The following SPEN variants were observed in gnomAD, a reference collection of about 807,000 sequenced individuals.
SPEN encodes spen family transcriptional repressor, also known as msx2-interacting protein.
SPEN carries 18 observed loss-of-function variants against 269.9 expected under a neutral mutation model. The observed-to-expected ratio is 0.07, with a 90% CI of 0.05 to 0.10. SPEN has a LOEUF of 0.10. SPEN is among the 10% of genes least tolerant of loss of function. The probability of loss-of-function intolerance (pLI) is 1.00; values close to 1 mark genes in which losing one functional copy is unlikely to be tolerated. For synonymous variants in SPEN, 1,726 were observed against 1,765.7 expected (o/e 0.98, Z 0.56); for missense variants, 3,822 against 4,631.2 (o/e 0.83, Z 5.07).
intron 3 of SPEN, among the ~76,000 whole-genome samples, chr1:15,883,628 C>T (rs973667146): frequency 1.3e-5 from 2 of 151,652 alleles, no homozygotes; most frequent in Non-Finnish European, 1.5e-5. Flanking sequence ...CCACTGTGCC[C>T]GGCCTAAAAC....
At position 15,908,170 on chromosome 1, in the gene SPEN, G is replaced by GCTACTA. The variant is rs112407466; in HGVS notation, c.882-1138_882-1133dup. ...TAAAAATTACCCATGAGGTAGTAGT[G>GCTACTA]CTACTACTACTACTACTAACAGTAA... On this transcript the variant is annotated intron_variant, in intron 3 of 14. Transcript: ENST00000375759. 4.0e-5 allele frequency among the ~76,000 whole-genome samples: 6 copies of GCTACTA among 151,864 alleles called. No homozygotes were observed. The South Asian group carries it at 8.3e-4, about 21-fold the overall frequency.
In SPEN at chr1:15,916,125, C is replaced by A. The variant is rs12063905; in HGVS notation, c.1244-3C>A. The A allele has an allele frequency of 0.11, 178,903 of 1,608,826 alleles. 12,238 individuals are homozygous for A. Among genetic ancestry groups the A allele is most frequent in the Admixed American group, 0.29 (17,016 of 58,806 alleles). On this transcript the variant is annotated splice_region_variant and splice_polypyrimidine_tract_variant and intron_variant, in intron 5 of 14. Coordinates refer to ENST00000375759, the MANE Select transcript of SPEN (RefSeq NM_015001.3). The stretch of plus-strand genomic sequence containing the variant: ...TTTTACTCGGCCCCCATTCCACTTA[C>A]AGAAACAGAAAGTGAAAATGAATTT...
chr1:15,911,042 C>A, intron 4 of SPEN, 59 bp from the exon 5 acceptor site: 1 of 1,386,314 alleles, frequency 7.2e-7, no homozygotes, highest in South Asian at 1.3e-5. Context: ...TAGTAGGTTG[C>A]TTATTTAGTT....
At chr1:15,907,830 C>T (rs1398462258) in intron 3 of SPEN, among the ~76,000 whole-genome samples, 2 of 152,116 alleles carry the variant, frequency 1.3e-5, no homozygotes, top group Admixed American at 6.5e-5. Context: ...TCACATAGTT[C>T]TTAGGCATAA....
chr1:15,869,620 C>T (rs908935449), intron 1 of SPEN, among the ~76,000 whole-genome samples: 47 of 100,278 alleles, frequency 4.7e-4, no homozygotes, highest in African/African-American at 1.7e-3. Flanking sequence ...ATTTATGAGA[C>T]AGGGTCTTGC....
intron 3 of SPEN, among the ~76,000 whole-genome samples, chr1:15,879,556 TAGTG>T (rs1376220942): frequency 6.6e-6 from 1 of 152,074 alleles, no homozygotes; most frequent in Non-Finnish European, 1.5e-5. Flanking sequence ...ATAAAAAAGT[TAGTG>T]AGAAAGAGGA....
Position 15,930,161 on chromosome 1 carries a change from A to G in SPEN, c.3921A>G (p.Leu1307=). The G allele has an allele frequency of 6.2e-7, 1 of 1,614,204 alleles. No homozygotes were observed. The change falls in exon 11 of 15, where the codon TTA becomes TTG. Residue 1307 remains leucine, a synonymous_variant. Transcript: ENST00000375759. The surrounding 1 kb of genome is among the most constrained non-coding windows in gnomAD (Gnocchi z 5.3). ...ACATAACAGTCAGGGAAGAGTCTTT[A>G]AAATTTAATCCTTATGATTCTAGCA... The part of the protein sequence containing the change: ...YSNITVREES[L]KFNPYDSSRR...
rs895951542 is a variant in SPEN, at chr1:15,939,122, A to T, written c.10864-174A>T. ...ATAGGGCCCCAGGGGGTTCCTGTTT[A>T]TAGTTTTCTGACACCTGCTAGGTCT... On this transcript the variant is annotated intron_variant, in intron 14 of 14. Coordinates refer to ENST00000375759, the MANE Select transcript of SPEN (RefSeq NM_015001.3). This position sits in a 1 kb window ranked among gnomAD's most constrained non-coding sequence, Gnocchi z 4.1. Among the ~76,000 whole-genome samples the T allele has an allele frequency of 1.3e-5, 2 of 152,154 alleles. No homozygotes were observed. The highest frequency in any genetic ancestry group is 1.3e-4 in the Admixed American group (2 of 15,280).
intron 5 of SPEN, among the ~76,000 whole-genome samples, chr1:15,912,929 A>G (rs2071024275): frequency 6.6e-6 from 1 of 152,182 alleles, no homozygotes; most frequent in Admixed American, 6.5e-5. Flanking sequence ...TTTTACTGTA[A>G]AAAGCTTTTA....
rs776758475 is a variant in SPEN, at chr1:15,920,908, C to T, written c.1674C>T (p.Leu558=). 27 of 1,612,976 alleles carry T rather than the reference C, an allele frequency of 1.7e-5. No homozygotes were observed. In the Admixed American group the frequency reaches 4.5e-4, roughly 27 times the overall value. ...GCTTAAAAGGCATGGCCCTGGTTCT[C>T]TACAATGAAATTGAATATGCACAAG... is the stretch of plus-strand genomic sequence containing the variant. ...FDRLKGMALV[L]YNEIEYAQAA... is the part of the protein sequence containing the mutation. The change falls in exon 9 of 15, where the codon CTC becomes CTT. Residue 558 remains leucine, a synonymous_variant. Coordinates refer to ENST00000375759, the MANE Select transcript of SPEN (RefSeq NM_015001.3).
intron 3 of SPEN, among the ~76,000 whole-genome samples, chr1:15,899,432 G>A (rs1457963694): frequency 2.0e-5 from 3 of 151,604 alleles, no homozygotes; most frequent in Non-Finnish European, 4.4e-5. Flanking sequence ...TGCCTGCCTC[G>A]CCCTTCCAAA....
intron 8 of SPEN, 21 bp from the exon 9 acceptor site, chr1:15,920,849 T>TTTTG: frequency 6.6e-7 from 1 of 1,516,672 alleles, no homozygotes; most frequent in Non-Finnish European, 9.0e-7. Context: ...CTTACTTGTT[T>TTTTG]TTTGTTTGTT....
At chr1:15,864,475 T>TTG (rs1553174569) in intron 1 of SPEN, among the ~76,000 whole-genome samples, 1 of 138,738 alleles carries the variant, frequency 7.2e-6, no homozygotes, top group African/African-American at 3.3e-5. Flanking sequence ...GGCCGGTTTT[T>TTG]TTTTTTTTTT....
intron 1 of SPEN, among the ~76,000 whole-genome samples, chr1:15,859,905 CTTTTT>C (rs34195453): frequency 1.5e-3 from 122 of 79,620 alleles, no homozygotes; most frequent in South Asian, 6.3e-3. Context: ...CAGTTAACAT[CTTTTT>C]TTTTTTTTTT....
In SPEN at chr1:15,937,359, C is replaced by T. The variant is rs1225784551; in HGVS notation, c.10223C>T (p.Pro3408Leu). ...GAGCAGCCTCGCCTCCCAGCTGGAC[C>T]TGCAAACAGGCCACCTGAGCCTCAC... ...GVEQPRLPAGPANRPPEPHTQ... is the reference protein window; with the variant it reads ...GVEQPRLPAGLANRPPEPHTQ... The change falls in exon 12 of 15, where the codon CCT (proline) becomes CTT (leucine). Residue 3408 changes from proline (P) to leucine (L), a missense_variant. Transcript: ENST00000375759. The surrounding 1 kb of genome is among the most constrained non-coding windows in gnomAD (Gnocchi z 5.7). 6.2e-7 allele frequency: 1 copy of T among 1,613,994 alleles called. No homozygotes were observed. The highest frequency in any genetic ancestry group is 8.5e-7 in the Non-Finnish European group (1 of 1,180,028).
At chr1:15,892,080 G>A (rs2070796173) in intron 3 of SPEN, among the ~76,000 whole-genome samples, 1 of 142,204 alleles carries the variant, frequency 7.0e-6, no homozygotes, top group Non-Finnish European at 1.5e-5. Flanking sequence ...GAGTGCAGTG[G>A]CGTAATCTTG....
intron 3 of SPEN, among the ~76,000 whole-genome samples, chr1:15,891,008 G>C (rs1228135424): frequency 4.6e-5 from 7 of 152,110 alleles, no homozygotes. Flanking sequence ...TGCAGTACTG[G>C]ATATCCTAGC....
At position 15,876,445 on chromosome 1, in the gene SPEN, C is replaced by T; in HGVS notation, c.648C>T (p.His216=). 6.2e-7 allele frequency: 1 copy of T among 1,614,106 alleles called. No individual in the cohort carries two copies. Among genetic ancestry groups the T allele is most frequent in the South Asian group, 1.1e-5 (1 of 91,068 alleles). The change falls in exon 3 of 15, where the codon CAC becomes CAT. Residue 216 remains histidine (H), a synonymous_variant. Transcript: ENST00000375759. Reference sequence around the variant, plus strand: ...AGTTTACACTGCCCAGTGTGGTACACAGGGATATCTACAGGGATGATATTA... The same window carrying T: ...AGTTTACACTGCCCAGTGTGGTACATAGGGATATCTACAGGGATGATATTA... The part of the protein sequence containing the change: ...REQFTLPSVV[H]RDIYRDDITR...
At chr1:15,886,197 C>G (rs1172515641) in intron 3 of SPEN, among the ~76,000 whole-genome samples, 1 of 152,130 alleles carries the variant, frequency 6.6e-6, no homozygotes, top group Non-Finnish European at 1.5e-5. Flanking sequence ...ATTTTGGAAA[C>G]AAGTACTGGG....
Sources: allele counts gnomAD v4.1 joint callset (sites outside exome capture counted in the v4.1 genomes callset), GRCh38; gene constraint gnomAD v4.1.1; non-coding constraint Gnocchi (gnomAD v3.1); transcripts MANE v1.5; gene names NCBI Gene and HGNC (gene_info 2026-07-23, HGNC 2026-07-21).